PARD3B: variants seen among roughly 807,000 people sequenced by gnomAD.
The protein encoded by PARD3B is par-3 family cell polarity regulator beta, also known as partitioning defective 3 homolog B.
Under a neutral mutation model 130.2 loss-of-function variants are expected in PARD3B, and 103 were observed. That is an observed-to-expected ratio of 0.79 (90% CI 0.67 to 0.93). The LOEUF (loss-of-function observed/expected upper bound fraction) is 0.93. PARD3B is among the 40% of genes least tolerant of loss of function. The probability of loss-of-function intolerance (pLI) is 0.00; values close to 1 mark genes in which losing one functional copy is unlikely to be tolerated. For synonymous variants in PARD3B, 583 were observed against 553.2 expected (o/e 1.05, Z -0.76); for missense variants, 1,609 against 1,499.2 (o/e 1.07, Z -1.21).
chr2:205,475,053 A>G (rs960058713), intron 20 of PARD3B, among the ~76,000 whole-genome samples: 1 of 152,126 alleles, frequency 6.6e-6, no homozygotes, highest in African/African-American at 2.4e-5. Context: ...ACGTATTTGG[A>G]TGCAGGCTTT....
chr2:205,369,057 A>C (rs1015418033), intron 18 of PARD3B, among the ~76,000 whole-genome samples: 4 of 152,146 alleles, frequency 2.6e-5, no homozygotes, highest in Non-Finnish European at 4.4e-5. Context: ...TGCATATTTC[A>C]AGTATAGATA....
chr2:204,580,308 G>GT (rs932930031), intron 1 of PARD3B, among the ~76,000 whole-genome samples: 9 of 152,018 alleles, frequency 5.9e-5, no homozygotes, highest in East Asian at 1.9e-4. Flanking sequence ...TTGCATCCAT[G>GT]TTTTTTTTCC....
chr2:204,906,366 T>C lies in PARD3B; in HGVS notation c.223-58786T>C, dbSNP rs2047042228. 6.6e-6 allele frequency among the ~76,000 whole-genome samples: 1 copy of C among 152,194 alleles called. No individual in the cohort carries two copies. Reference sequence around the variant, plus strand: ...TAAACAGTGAAAATTGTAGTTAGAATGCTAAAGCCCATTTTCCCCCTTTGT... The same window carrying C: ...TAAACAGTGAAAATTGTAGTTAGAACGCTAAAGCCCATTTTCCCCCTTTGT... On this transcript the variant is annotated intron_variant, in intron 2 of 22. Coordinates refer to ENST00000406610, the MANE Select transcript of PARD3B (RefSeq NM_001302769.2). The surrounding 1 kb of genome is among the most constrained non-coding windows in gnomAD (Gnocchi z 4.3).
chr2:204,562,218 G>A (rs1379994446), intron 1 of PARD3B, among the ~76,000 whole-genome samples: 1 of 152,054 alleles, frequency 6.6e-6, no homozygotes, highest in Non-Finnish European at 1.5e-5. Flanking sequence ...TCACTAATGG[G>A]TTAGGGCCCA....
At chr2:204,631,057 A>T (rs2034662130) in intron 1 of PARD3B, among the ~76,000 whole-genome samples, 1 of 151,976 alleles carries the variant, frequency 6.6e-6, no homozygotes, top group African/African-American at 2.4e-5. Context: ...TGTCAACTGG[A>T]GATCTTTGTA....
chr2:205,476,321 A>G (rs1179015470), intron 20 of PARD3B, among the ~76,000 whole-genome samples: 1 of 152,194 alleles, frequency 6.6e-6, no homozygotes, highest in Non-Finnish European at 1.5e-5. Flanking sequence ...TAAGAAATAC[A>G]TTAGGTAGAA....
In PARD3B at chr2:205,160,560, A is replaced by G. The variant is rs2034450280; in HGVS notation, c.1620+1653A>G. On this transcript the variant is annotated intron_variant, in intron 11 of 22. Coordinates refer to ENST00000406610, the MANE Select transcript of PARD3B (RefSeq NM_001302769.2). The surrounding 1 kb of genome is among the most constrained non-coding windows in gnomAD (Gnocchi z 4.0). The stretch of plus-strand genomic sequence containing the variant: ...TCCAGCCACGATGAAGTTATGGCAA[A>G]GATGTAGATACAGAGAAGGGTAAAG... Among the ~76,000 whole-genome samples, 1 of 152,236 alleles carries G rather than the reference A, an allele frequency of 6.6e-6. No homozygotes were observed. The highest frequency in any genetic ancestry group is 2.4e-5 in the African/African-American group (1 of 41,452).
intron 20 of PARD3B, among the ~76,000 whole-genome samples, chr2:205,499,102 C>T (rs2050056572): frequency 6.6e-6 from 1 of 152,136 alleles, no homozygotes; most frequent in Admixed American, 6.5e-5. Flanking sequence ...CATTCTTTTG[C>T]TCCCTAGCCC....
rs1263962289 is a variant in PARD3B at position 205,618,755 on chromosome 2, C to T, written c.*2942C>T. The stretch of plus-strand genomic sequence containing the variant: ...ACTTTTAGATGCAGGAGAATTGAGA[C>T]TTCCACAAGGGAGAGAAACACAGCC... On this transcript the variant is annotated 3_prime_UTR_variant, in exon 23 of 23. Coordinates refer to ENST00000406610, the MANE Select transcript of PARD3B (RefSeq NM_001302769.2). 2.6e-5 allele frequency: 4 copies of T among 152,294 alleles called. No homozygotes were observed. The highest frequency in any genetic ancestry group is 6.5e-5 in the Admixed American group (1 of 15,296). 9.4% of individuals were successfully genotyped at this position (152,294 alleles called of 1,614,324 possible). A position where few individuals can be genotyped will look rare whatever the true frequency, so the allele number is the denominator to read the frequency against.
At chr2:205,408,182 T>C (rs1404691256) in intron 19 of PARD3B, among the ~76,000 whole-genome samples, 2 of 152,204 alleles carry the variant, frequency 1.3e-5, no homozygotes, top group Non-Finnish European at 2.9e-5. Context: ...CCTTGCCTTA[T>C]CAGCTGAGCT....
rs574861120 is a variant in PARD3B at position 205,013,325 on chromosome 2, T to A, written c.395-34256T>A. 4.4e-3 allele frequency among the ~76,000 whole-genome samples: 672 copies of A among 152,360 alleles called. 2 individuals carry two copies. The highest frequency in any genetic ancestry group is 0.013 in the African/African-American group (544 of 41,588). On this transcript the variant is annotated intron_variant, in intron 3 of 22. Coordinates refer to ENST00000406610, the MANE Select transcript of PARD3B (RefSeq NM_001302769.2). The stretch of plus-strand genomic sequence containing the variant: ...TTATAATTGATAACTGTAGTTTAAT[T>A]ATTCAAAATCATTATTTTTAGATGT...
intron 4 of PARD3B, among the ~76,000 whole-genome samples, chr2:205,100,132 T>C (rs2125562126): frequency 6.6e-6 from 1 of 152,280 alleles, no homozygotes; most frequent in Middle Eastern, 3.4e-3. Context: ...GATGAAAAAT[T>C]CATTTTTTAA....
chr2:204,568,499 T>C (rs1300980675), intron 1 of PARD3B, among the ~76,000 whole-genome samples: 7 of 152,208 alleles, frequency 4.6e-5, no homozygotes, highest in Non-Finnish European at 1.0e-4. Context: ...TCTTAATCTT[T>C]AAAAAAATTT....
At chr2:204,833,450 C>G (rs996007155) in intron 2 of PARD3B, among the ~76,000 whole-genome samples, 1 of 151,888 alleles carries the variant, frequency 6.6e-6, no homozygotes, top group Non-Finnish European at 1.5e-5. Context: ...GACTTATGCC[C>G]CTTCTGATTG....
chr2:204,859,058 A>G (rs1449761481), intron 2 of PARD3B, among the ~76,000 whole-genome samples: 1 of 151,960 alleles, frequency 6.6e-6, no homozygotes, highest in Non-Finnish European at 1.5e-5. Flanking sequence ...AAAATCTTAG[A>G]TGTGAATACT....
intron 3 of PARD3B, among the ~76,000 whole-genome samples, chr2:204,998,094 A>G (rs1190539138): frequency 6.7e-6 from 1 of 149,386 alleles, no homozygotes; most frequent in East Asian, 1.9e-4. Context: ...AGATCTTAAC[A>G]TAGTAAGGCA....
At chr2:204,795,317 T>C (rs1287118606) in intron 2 of PARD3B, among the ~76,000 whole-genome samples, 1 of 152,196 alleles carries the variant, frequency 6.6e-6, no homozygotes, top group Non-Finnish European at 1.5e-5. Context: ...CCTTCACCAC[T>C]GCAAACAGGA....
intron 2 of PARD3B, among the ~76,000 whole-genome samples, chr2:204,961,099 G>A (rs938875659): frequency 6.6e-5 from 10 of 152,170 alleles, no homozygotes; most frequent in African/African-American, 2.4e-4. Context: ...TGGAACAGGA[G>A]CAAGTGACCT....
Position 205,149,625 on chromosome 2 carries a change from A to G in PARD3B, c.1435-9097A>G, listed in dbSNP as rs148570335. On this transcript the variant is annotated intron_variant, in intron 10 of 22. Transcript: ENST00000406610. ...TCTTAATTGTGCTGAAGTATCTCCT[A>G]TTTTCTCCACTCAGAGATATCTGGC... Among the ~76,000 whole-genome samples the G allele has an allele frequency of 2.0e-4, 30 of 152,130 alleles. No individual in the cohort carries two copies. In the East Asian group the frequency reaches 5.2e-3, roughly 26 times the overall value.
Sources: allele counts gnomAD v4.1 joint callset (sites outside exome capture counted in the v4.1 genomes callset), GRCh38; gene constraint gnomAD v4.1.1; non-coding constraint Gnocchi (gnomAD v3.1); transcripts MANE v1.5; gene names NCBI Gene and HGNC (gene_info 2026-07-23, HGNC 2026-07-21).